The following SOX5 variants were observed in gnomAD, a reference collection of about 807,000 sequenced individuals.
The protein encoded by SOX5 is SRY-box transcription factor 5, also known as transcription factor SOX-5.
In SOX5, 9 loss-of-function variants were observed where a neutral mutation model predicts 92.0. The observed-to-expected ratio is 0.10, with a 90% CI of 0.06 to 0.17. The LOEUF (loss-of-function observed/expected upper bound fraction) is 0.17. Among genes scored for constraint, SOX5 ranks in the 10% least tolerant of loss-of-function variants. The pLI is 1.00. For missense variants in SOX5, 642 were observed against 944.5 expected, an observed-to-expected ratio of 0.68 and a Z score of 4.20; for synonymous variants, 344 against 336.3, an observed-to-expected ratio of 1.02 and a Z score of -0.25.
At chr12:24,260,736 A>G (rs1463865278) in intron 3 of SOX5, among the ~76,000 whole-genome samples, 5 of 152,212 alleles carry the variant, frequency 3.3e-5, no homozygotes, top group Non-Finnish European at 1.5e-5. Flanking sequence ...TTCTTCTTCT[A>G]AAGTGCTGAA....
chr12:24,292,388 A>G (rs1219871564), intron 2 of SOX5, among the ~76,000 whole-genome samples: 1 of 152,250 alleles, frequency 6.6e-6, no homozygotes, highest in African/African-American at 2.4e-5. Flanking sequence ...AAAATTTTTG[A>G]AATGCTTTTC....
At chr12:24,184,752 G>A (rs1955850295) in intron 4 of SOX5, among the ~76,000 whole-genome samples, 1 of 152,050 alleles carries the variant, frequency 6.6e-6, no homozygotes, top group African/African-American at 2.4e-5. Context: ...ATTGTTTGAG[G>A]AGTATCCCAG....
intron 2 of SOX5, among the ~76,000 whole-genome samples, chr12:23,860,969 A>AC (rs1568417372): frequency 0.01 from 1,550 of 150,566 alleles, 46 homozygotes; most frequent in African/African-American, 0.035. Context: ...AAAAAAAAAA[A>AC]AAAAAAAAAC....
chr12:24,238,258 G>A (rs762597454), intron 3 of SOX5, among the ~76,000 whole-genome samples: 17 of 152,264 alleles, frequency 1.1e-4, no homozygotes, highest in Admixed American at 5.2e-4. Context: ...TAGCAGAGAG[G>A]CAGAGAGAAA....
At chr12:24,463,007 C>T (rs1008346855) in intron 1 of SOX5, among the ~76,000 whole-genome samples, 2 of 152,070 alleles carry the variant, frequency 1.3e-5, no homozygotes, top group Non-Finnish European at 2.9e-5. Context: ...TGCTTGAACC[C>T]AGGAGTTTGA....
At chr12:23,832,370 T>C (rs1019142356) in intron 3 of SOX5, among the ~76,000 whole-genome samples, 1 of 152,046 alleles carries the variant, frequency 6.6e-6, no homozygotes, top group Non-Finnish European at 1.5e-5. Flanking sequence ...TTCATTATTG[T>C]TCTTGTTCTT....
chr12:23,542,249 G>A (rs560679444), intron 13 of SOX5, among the ~76,000 whole-genome samples: 5 of 152,146 alleles, frequency 3.3e-5, no homozygotes, highest in African/African-American at 1.2e-4. Flanking sequence ...GACAAATTTT[G>A]TTACTTATTT....
At chr12:24,204,611 G>C (rs945346686) in intron 4 of SOX5, among the ~76,000 whole-genome samples, 35 of 152,264 alleles carry the variant, frequency 2.3e-4, no homozygotes, top group African/African-American at 8.2e-4. Context: ...TTACAGGCGT[G>C]AGCTACCACC....
chr12:24,117,012 G>T (rs1593307213), intron 4 of SOX5, among the ~76,000 whole-genome samples: 1 of 143,154 alleles, frequency 7.0e-6, no homozygotes, highest in East Asian at 2.0e-4. Flanking sequence ...GAAAACAAAA[G>T]AATGGAGAGA....
intron 4 of SOX5, among the ~76,000 whole-genome samples, chr12:24,038,452 C>A (rs17404747): frequency 0.044 from 6,680 of 152,186 alleles, 147 homozygotes; most frequent in East Asian, 0.063. Flanking sequence ...GGGAAGTTCC[C>A]GTGTCAGTTC....
intron 3 of SOX5, among the ~76,000 whole-genome samples, chr12:23,812,093 A>G (rs2095885012): frequency 6.6e-6 from 1 of 152,104 alleles, no homozygotes. Flanking sequence ...AATCTTGAAG[A>G]CCTATCAAAT....
At chr12:23,685,523 C>G (rs2087379657) in intron 6 of SOX5, among the ~76,000 whole-genome samples, 1 of 152,008 alleles carries the variant, frequency 6.6e-6, no homozygotes, top group Non-Finnish European at 1.5e-5. Context: ...AATACATTAT[C>G]CAAAGGTTCT....
chr12:23,903,697 C>T (rs1388663710), intron 1 of SOX5, among the ~76,000 whole-genome samples: 2 of 152,164 alleles, frequency 1.3e-5, no homozygotes, highest in Non-Finnish European at 1.5e-5. Flanking sequence ...ATAATACTTT[C>T]CTGGAAGTTA....
intron 2 of SOX5, among the ~76,000 whole-genome samples, chr12:23,852,301 A>G (rs747394661): frequency 2.6e-5 from 4 of 152,174 alleles, no homozygotes; most frequent in Non-Finnish European, 5.9e-5. Context: ...TAAGGCAGAC[A>G]TAGCACACTC....
At chr12:23,560,210 C>T (rs1290645368) in intron 11 of SOX5, among the ~76,000 whole-genome samples, 4 of 152,012 alleles carry the variant, frequency 2.6e-5, no homozygotes, top group Non-Finnish European at 5.9e-5. Context: ...CGTGCCTGGC[C>T]GGGAGTATTA....
chr12:23,913,526 G>A (rs6487365), intron 1 of SOX5, among the ~76,000 whole-genome samples: 105,625 of 151,678 alleles, frequency 0.7, 36,881 homozygotes, highest in East Asian at 0.89. Flanking sequence ...TCACGAGGTC[G>A]GGAGTTCGAG....
intron 6 of SOX5, among the ~76,000 whole-genome samples, chr12:23,690,191 T>A (rs535858964): frequency 6.6e-6 from 1 of 152,282 alleles, no homozygotes; most frequent in South Asian, 2.1e-4. Context: ...GGGAAGTATA[T>A]TGGCATTATT....
chr12:23,816,458 C>A (rs1568007104), intron 3 of SOX5, among the ~76,000 whole-genome samples: 1 of 151,992 alleles, frequency 6.6e-6, no homozygotes, highest in Non-Finnish European at 1.5e-5. Context: ...GATCTGCCTG[C>A]CTCAGCTGGG....
chr12:24,336,525 G>A lies in SOX5; in HGVS notation c.-174+32038C>T, dbSNP rs112554069. Among the ~76,000 whole-genome samples, 6 of 152,270 alleles carry A rather than the reference G, an allele frequency of 3.9e-5. 1 individual carries two copies. Among genetic ancestry groups the A allele is most frequent in the African/African-American group, 1.4e-4 (6 of 41,564 alleles). On this transcript the variant is annotated intron_variant, in intron 2 of 4. Transcript: ENST00000446891. ...CTTGCACCAAAGAACTGAGAGGCAA[G>A]AAAATCAAATAGGACATTTTTACAT...
Sources: gnomAD v4.1 joint callset for allele counts (sites outside exome capture counted in the v4.1 genomes callset) on GRCh38, gnomAD v4.1.1 for gene constraint, MANE v1.5 for transcripts, NCBI Gene and HGNC (gene_info 2026-07-23, HGNC 2026-07-21) for gene names.